AGBL4: variants seen among roughly 807,000 people sequenced by gnomAD.
AGBL4 encodes cytosolic carboxypeptidase 6.
AGBL4 carries 58 observed loss-of-function variants against 66.4 expected under a neutral mutation model. That is an observed-to-expected ratio of 0.87 (90% CI 0.71 to 1.09). The LOEUF (loss-of-function observed/expected upper bound fraction) is 1.09, where lower values mean the gene tolerates loss of function less well. Ranked by LOEUF, AGBL4 falls within the 50% of genes least tolerant of loss-of-function variation. AGBL4 has a pLI of 0.00. For synonymous variants in AGBL4, 234 were observed against 222.9 expected (o/e 1.05, Z -0.44); for missense variants, 579 against 631.0 (o/e 0.92, Z 0.88).
intron 4 of AGBL4, among the ~76,000 whole-genome samples, chr1:49,054,223 T>G (rs1372534839): frequency 6.6e-6 from 1 of 152,086 alleles, no homozygotes; most frequent in Non-Finnish European, 1.5e-5. Context: ...ACCAGCAGTT[T>G]TATATCAAAG....
chr1:48,784,252 A>G (rs1036348249), intron 6 of AGBL4, among the ~76,000 whole-genome samples: 1 of 152,190 alleles, frequency 6.6e-6, no homozygotes. Flanking sequence ...TGTTACTGTT[A>G]AAATAATTAT....
intron 4 of AGBL4, among the ~76,000 whole-genome samples, chr1:49,207,752 G>A (rs1446409960): frequency 1.3e-5 from 2 of 150,732 alleles, no homozygotes; most frequent in Non-Finnish European, 1.5e-5. Context: ...CACCATGGCT[G>A]GCAAATTAAA....
intron 1 of AGBL4, among the ~76,000 whole-genome samples, chr1:49,857,422 T>C (rs1001680010): frequency 5.9e-5 from 9 of 151,928 alleles, no homozygotes; most frequent in Admixed American, 2.6e-4. Flanking sequence ...GCCAACAACA[T>C]TGAGCAAACA....
Position 49,970,708 on chromosome 1 carries a change from A to AC in AGBL4, c.34+53054_34+53055insG, listed in dbSNP as rs1657992273. On this transcript the variant is annotated intron_variant, in intron 1 of 13. Coordinates refer to ENST00000371839, the MANE Select transcript of AGBL4 (RefSeq NM_032785.4). ...ACGACTCCGACTCAAAAAAAAACAA[A>AC]ACACACACACACACACACACACACA... is the stretch of plus-strand genomic sequence containing the variant. 3.4e-3 allele frequency among the ~76,000 whole-genome samples: 386 copies of AC among 114,010 alleles called. 5 individuals carry two copies. Among genetic ancestry groups the AC allele is most frequent in the African/African-American group, 0.012 (368 of 30,860 alleles). 74.8% of individuals were successfully genotyped at this position (114,010 alleles called of 152,430 possible). A position where few individuals can be genotyped will look rare whatever the true frequency, so the allele number is the denominator to read the frequency against.
chr1:49,476,345 G>A (rs1646844528), intron 3 of AGBL4, among the ~76,000 whole-genome samples: 1 of 152,004 alleles, frequency 6.6e-6, no homozygotes, highest in Non-Finnish European at 1.5e-5. Context: ...CAATCTTAGA[G>A]TATGTTCCAT....
At chr1:49,739,599 C>T (rs940328985) in intron 2 of AGBL4, among the ~76,000 whole-genome samples, 1 of 152,122 alleles carries the variant, frequency 6.6e-6, no homozygotes, top group African/African-American at 2.4e-5. Flanking sequence ...AAGACACATA[C>T]TTGTCAGATT....
intron 5 of AGBL4, among the ~76,000 whole-genome samples, chr1:48,931,264 C>G (rs17105226): frequency 6.6e-6 from 1 of 152,058 alleles, no homozygotes; most frequent in Non-Finnish European, 1.5e-5. Flanking sequence ...TAAAGATTTG[C>G]AAAGTTGGTA....
At chr1:49,435,123 C>T (rs1349273260) in intron 3 of AGBL4, among the ~76,000 whole-genome samples, 1 of 152,112 alleles carries the variant, frequency 6.6e-6, no homozygotes, top group Non-Finnish European at 1.5e-5. Flanking sequence ...TGCTTCAGAG[C>T]ACATATAACA....
At chr1:48,650,827 A>G (rs998478018) in intron 8 of AGBL4, among the ~76,000 whole-genome samples, 5 of 152,300 alleles carry the variant, frequency 3.3e-5, no homozygotes, top group African/African-American at 1.2e-4. Context: ...TAGATTCCCT[A>G]TGTTTATAAG....
At chr1:49,027,585 G>C (rs1663822027) in intron 5 of AGBL4, among the ~76,000 whole-genome samples, 1 of 152,082 alleles carries the variant, frequency 6.6e-6, no homozygotes, top group Non-Finnish European at 1.5e-5. Flanking sequence ...ATGCCATCAA[G>C]AATATTAGTT....
intron 4 of AGBL4, among the ~76,000 whole-genome samples, chr1:49,220,520 T>C (rs1325588456): frequency 6.6e-6 from 1 of 152,196 alleles, no homozygotes; most frequent in Non-Finnish European, 1.5e-5. Context: ...CTTAATATAA[T>C]TCTTGGCATA....
intron 5 of AGBL4, among the ~76,000 whole-genome samples, chr1:48,869,994 C>G (rs770600779): frequency 9.9e-5 from 15 of 152,040 alleles, no homozygotes; most frequent in Admixed American, 2.0e-4. Flanking sequence ...CAGACATTAT[C>G]CTTTCAAACC....
intron 4 of AGBL4, among the ~76,000 whole-genome samples, chr1:49,145,035 G>A (rs1484325537): frequency 3.3e-5 from 5 of 152,150 alleles, no homozygotes; most frequent in East Asian, 1.9e-4. Flanking sequence ...GCCTTACCCC[G>A]GATCAGGCAT....
intron 3 of AGBL4, among the ~76,000 whole-genome samples, chr1:49,264,603 C>G (rs6588340): frequency 6.6e-6 from 1 of 151,900 alleles, no homozygotes; most frequent in African/African-American, 2.4e-5. Context: ...TGGAGTGCAG[C>G]GGCGCTATCG....
At chr1:48,945,353 T>C (rs1309726172) in intron 5 of AGBL4, among the ~76,000 whole-genome samples, 1 of 152,118 alleles carries the variant, frequency 6.6e-6, no homozygotes, top group Non-Finnish European at 1.5e-5. Flanking sequence ...AAACCCAACA[T>C]TCTATCCCAC....
At chr1:49,848,771 T>G in intron 2 of AGBL4, among the ~76,000 whole-genome samples, 1 of 152,218 alleles carries the variant, frequency 6.6e-6, no homozygotes, top group East Asian at 1.9e-4. Flanking sequence ...AATATATCAA[T>G]GTATCAAAAC....
At chr1:48,982,460 C>T (rs1447103213) in intron 5 of AGBL4, among the ~76,000 whole-genome samples, 1 of 151,650 alleles carries the variant, frequency 6.6e-6, no homozygotes, top group Non-Finnish European at 1.5e-5. Context: ...GTTTTTTTGT[C>T]CTTGTGATAG....
chr1:49,752,516 C>A (rs563385873), intron 2 of AGBL4, among the ~76,000 whole-genome samples: 7 of 152,058 alleles, frequency 4.6e-5, no homozygotes, highest in Non-Finnish European at 7.4e-5. Context: ...AGAATAAGTG[C>A]TATGTGGTCC....
At chr1:48,660,381 G>C (rs1646088214) in intron 7 of AGBL4, among the ~76,000 whole-genome samples, 2 of 152,246 alleles carry the variant, frequency 1.3e-5, no homozygotes, top group Admixed American at 1.3e-4. Context: ...CACTGAGCCA[G>C]TTAATGTGGA....
Sources: gnomAD v4.1 joint callset for allele counts (sites outside exome capture counted in the v4.1 genomes callset) on GRCh38, gnomAD v4.1.1 for gene constraint, MANE v1.5 for transcripts, NCBI Gene and HGNC (gene_info 2026-07-23, HGNC 2026-07-21) for gene names.